The following ZNF77 variants were observed in gnomAD, a reference collection of about 807,000 sequenced individuals.
ZNF77 encodes the protein zinc finger protein 77, also known as ZNFpT1.
Under a neutral mutation model 13.5 loss-of-function variants are expected in ZNF77, and 15 were observed. The ratio of observed to expected loss-of-function variants is 1.11; its 90% CI spans 0.74 to 1.71. ZNF77 has a LOEUF of 1.71. ZNF77 is among the 40% of genes most tolerant of loss of function. The probability of loss-of-function intolerance (pLI) is 0.00; values close to 1 mark genes in which losing one functional copy is unlikely to be tolerated. For synonymous variants in ZNF77, 282 were observed against 250.0 expected (o/e 1.13, Z -1.21); for missense variants, 717 against 676.4 (o/e 1.06, Z -0.67).
rs2088359325 is a variant in ZNF77, at chr19:2,933,278, T to C, written c.*211A>G. Reference sequence around the variant, plus strand: ...TATATCACAAACATACACTAGAAATTAATACAAAAGGAATCACTATTAAGG... The same window carrying C: ...TATATCACAAACATACACTAGAAATCAATACAAAAGGAATCACTATTAAGG... On this transcript the variant is annotated 3_prime_UTR_variant, in exon 4 of 4. Transcript: ENST00000314531. 4.5e-6 allele frequency: 2 copies of C among 448,770 alleles called. No homozygotes were observed. The highest frequency in any genetic ancestry group is 7.7e-6 in the Non-Finnish European group (2 of 260,952). 27.8% of individuals were successfully genotyped at this position (448,770 alleles called of 1,614,324 possible).
rs575042272 is a variant in ZNF77, at chr19:2,944,124, C to T, written c.3+714G>A. Among the ~76,000 whole-genome samples the T allele has an allele frequency of 2.2e-3, 338 of 151,838 alleles. 1 individual carries two copies. Among genetic ancestry groups the T allele is most frequent in the African/African-American group, 7.7e-3 (319 of 41,392 alleles). ...TCCTGCCCTCTCCTCCCACTCTCCC[C>T]GATCCCCTGACTGCCTCTACTGTCC... On this transcript the variant is annotated intron_variant, in intron 1 of 3. Transcript: ENST00000314531.
intron 1 of ZNF77, among the ~76,000 whole-genome samples, chr19:2,944,483 C>G (rs8101596): frequency 0.042 from 6,395 of 151,398 alleles, 441 homozygotes; most frequent in African/African-American, 0.15. Flanking sequence ...TGCCGCCGAG[C>G]CCCTGACCGT....
chr19:2,944,476 C>T lies in ZNF77; in HGVS notation c.3+362G>A, dbSNP rs1228108374. Among the ~76,000 whole-genome samples the T allele has an allele frequency of 2.0e-5, 3 of 151,538 alleles. No individual in the cohort carries two copies. In the East Asian group the frequency reaches 5.8e-4, roughly 29 times the overall value. On this transcript the variant is annotated intron_variant, in intron 1 of 3. Transcript: ENST00000314531. Reference sequence around the variant, plus strand: ...CCCTTCCACTGAACCCCCAAACTGCCGCCGAGCCCCTGACCGTGTCTGTTC... The same window carrying T: ...CCCTTCCACTGAACCCCCAAACTGCTGCCGAGCCCCTGACCGTGTCTGTTC...
chr19:2,933,293 C>T lies in ZNF77; in HGVS notation c.*196G>A. On this transcript the variant is annotated 3_prime_UTR_variant, in exon 4 of 4. Transcript: ENST00000314531. ...CACTAGAAATTAATACAAAAGGAATCACTATTAAGGCTGAGGCATGTAAAG... is the reference window on the plus strand; with the variant it reads ...CACTAGAAATTAATACAAAAGGAATTACTATTAAGGCTGAGGCATGTAAAG... 2 of 472,098 alleles carry T rather than the reference C, an allele frequency of 4.2e-6. No homozygotes were observed. The highest frequency in any genetic ancestry group is 7.2e-6 in the Non-Finnish European group (2 of 279,004). 29.2% of individuals were successfully genotyped at this position (472,098 alleles called of 1,614,324 possible).
chr19:2,933,898 C>T lies in ZNF77; in HGVS notation c.1229G>A (p.Cys410Tyr), dbSNP rs747667082. ...ACTGTAGGCTTTCCCACACTCTTTACATTGATAGGGCTTCACCCCGCTGTG... is the reference window on the plus strand; with the variant it reads ...ACTGTAGGCTTTCCCACACTCTTTATATTGATAGGGCTTCACCCCGCTGTG... Reference protein sequence around the residue: ...KTHSGVKPYQCKECGKAYSFS... With the variant: ...KTHSGVKPYQYKECGKAYSFS... Residue 410 changes from cysteine to tyrosine, a missense_variant, in exon 4 of 4, where the codon TGT becomes TAT. Coordinates refer to ENST00000314531, the MANE Select transcript of ZNF77 (RefSeq NM_021217.3). 1.2e-6 allele frequency: 2 copies of T among 1,613,696 alleles called. No homozygotes were observed. The highest frequency in any genetic ancestry group is 1.7e-6 in the Non-Finnish European group (2 of 1,179,928).
chr19:2,933,437 A>G lies in ZNF77; in HGVS notation c.*52T>C. 6.7e-7 allele frequency: 1 copy of G among 1,494,980 alleles called. No individual in the cohort carries two copies. Among genetic ancestry groups the G allele is most frequent in the East Asian group, 2.3e-5 (1 of 43,522 alleles). 92.6% of individuals were successfully genotyped at this position (1,494,980 alleles called of 1,614,324 possible). A position where few individuals can be genotyped will look rare whatever the true frequency, so the allele number is the denominator to read the frequency against. ...TACATAAATAACGTTTCTCACATTT[A>G]CAACAAGGTTTTACGGTTGAACACT... is the stretch of plus-strand genomic sequence containing the variant. On this transcript the variant is annotated 3_prime_UTR_variant, in exon 4 of 4. Coordinates refer to ENST00000314531, the MANE Select transcript of ZNF77 (RefSeq NM_021217.3).
rs149449757 is a variant in ZNF77 at position 2,933,611 on chromosome 19, A to G, written c.1516T>C (p.Ser506Pro). 6 of 1,613,936 alleles carry G rather than the reference A, an allele frequency of 3.7e-6. No individual in the cohort carries two copies. The highest frequency in any genetic ancestry group is 5.1e-6 in the Non-Finnish European group (6 of 1,179,962). ...TGCGTTCTCACGTGCACACGAAGGG[A>G]CGAGGAACAACTGTAGGCTTTCCCA... is the stretch of plus-strand genomic sequence containing the variant. ...ECGKAYSCSS[S>P]LRVHVRTHTG... The change falls in exon 4 of 4, where the codon TCC (serine) becomes CCC (proline). Residue 506 changes from serine to proline, a missense_variant. By Grantham distance (74) the Ser-to-Pro change is moderately conservative. Coordinates refer to ENST00000314531, the MANE Select transcript of ZNF77 (RefSeq NM_021217.3).
chr19:2,933,406 A>C lies in ZNF77; in HGVS notation c.*83T>G. On this transcript the variant is annotated 3_prime_UTR_variant, in exon 4 of 4. Coordinates refer to ENST00000314531, the MANE Select transcript of ZNF77 (RefSeq NM_021217.3). ...TAAGTGCTATACCAGGTTTTCCTAC[A>C]TGCTCTACATAAATAACGTTTCTCA... 2 of 1,475,736 alleles carry C rather than the reference A, an allele frequency of 1.4e-6. No individual in the cohort carries two copies. The highest frequency in any genetic ancestry group is 1.8e-6 in the Non-Finnish European group (2 of 1,110,678). 91.4% of individuals were successfully genotyped at this position (1,475,736 alleles called of 1,614,324 possible).
intron 1 of ZNF77, among the ~76,000 whole-genome samples, chr19:2,943,987 G>A (rs1017070890): frequency 6.6e-6 from 1 of 151,910 alleles, no homozygotes; most frequent in Non-Finnish European, 1.5e-5. Flanking sequence ...TGGGATTACA[G>A]GCGTGAGCCA....
In ZNF77 at chr19:2,944,877, C is replaced by A; in HGVS notation, c.-37G>T. 1.3e-6 allele frequency: 2 copies of A among 1,523,012 alleles called. No homozygotes were observed. The highest frequency in any genetic ancestry group is 2.0e-4 in the Middle Eastern group (1 of 4,974). 94.3% of individuals were successfully genotyped at this position (1,523,012 alleles called of 1,614,324 possible). ...TCCTGGGCTCTCCAGGGTTAGCGCC[C>A]CGCGGTCCAGCGACCGGCGCAGGTG... On this transcript the variant is annotated 5_prime_UTR_variant, in exon 1 of 4. Transcript: ENST00000314531.
rs113577680 is a variant in ZNF77 at position 2,936,316 on chromosome 19, G to A, written c.311+208C>T. Among the ~76,000 whole-genome samples, 738 of 152,022 alleles carry A rather than the reference G, an allele frequency of 4.9e-3. 5 individuals carry two copies. The highest frequency in any genetic ancestry group is 0.017 in the African/African-American group (701 of 41,512). ...GCATGAGCCACCACGCCCAGCTAAT[G>A]TTTTGTATTTTTAGTAGAGATGGGG... On this transcript the variant is annotated intron_variant, in intron 3 of 3. Coordinates refer to ENST00000314531, the MANE Select transcript of ZNF77 (RefSeq NM_021217.3).
At chr19:2,935,495 T>TA (rs1199685322) in intron 3 of ZNF77, among the ~76,000 whole-genome samples, 3 of 35,298 alleles carry the variant, frequency 8.5e-5, no homozygotes, top group Non-Finnish European at 2.1e-4. Flanking sequence ...TTCTTTTTCG[T>TA]ATTTTTTTTT....
rs570058272 is a variant in ZNF77 at position 2,938,765 on chromosome 19, G to A, written c.130+516C>T. 4.4e-4 allele frequency among the ~76,000 whole-genome samples: 67 copies of A among 152,162 alleles called. 1 individual carries two copies. The highest frequency in any genetic ancestry group is 3.4e-3 in the Middle Eastern group (1 of 294). On this transcript the variant is annotated intron_variant, in intron 2 of 3. Coordinates refer to ENST00000314531, the MANE Select transcript of ZNF77 (RefSeq NM_021217.3). The stretch of plus-strand genomic sequence containing the variant: ...AGGTCAGGAGATCGAGACCATCCTG[G>A]CTAACACGGTGAAACCCCATCTCTA...
Position 2,944,863 on chromosome 19 carries a change from C to T in ZNF77, c.-23G>A, listed in dbSNP as rs2088482146. 2.6e-6 allele frequency: 4 copies of T among 1,525,330 alleles called. No homozygotes were observed. The South Asian group carries it at 3.6e-5, about 14-fold the overall frequency. 94.5% of individuals were successfully genotyped at this position (1,525,330 alleles called of 1,614,324 possible). A position where few individuals can be genotyped will look rare whatever the true frequency, so the allele number is the denominator to read the frequency against. ...CATGTCCCGCCCGCTCCTGGGCTCTCCAGGGTTAGCGCCCCGCGGTCCAGC... is the reference window on the plus strand; with the variant it reads ...CATGTCCCGCCCGCTCCTGGGCTCTTCAGGGTTAGCGCCCCGCGGTCCAGC... On this transcript the variant is annotated 5_prime_UTR_variant, in exon 1 of 4. Coordinates refer to ENST00000314531, the MANE Select transcript of ZNF77 (RefSeq NM_021217.3).
intron 1 of ZNF77, among the ~76,000 whole-genome samples, chr19:2,944,608 G>A (rs1219812564): frequency 6.6e-6 from 1 of 150,828 alleles, no homozygotes; most frequent in Non-Finnish European, 1.5e-5. Flanking sequence ...CTCCTGACCT[G>A]TACTGTCCCC....
At chr19:2,944,702 T>C in intron 1 of ZNF77, 136 bp downstream of exon 1, 3 of 1,283,270 alleles carry the variant, frequency 2.3e-6, no homozygotes, top group Non-Finnish European at 3.1e-6. Context: ...TGTGACCACG[T>C]CCCCGGGGCC....
intron 1 of ZNF77, 37 bp downstream of exon 1, chr19:2,944,801 G>A: frequency 6.6e-7 from 1 of 1,504,688 alleles, no homozygotes; most frequent in Non-Finnish European, 8.8e-7. Flanking sequence ...GCCCCACCTC[G>A]CCCTGGGCCC....
In ZNF77 at chr19:2,940,223, C is replaced by A. The variant is rs114144098; in HGVS notation, c.4-816G>T. On this transcript the variant is annotated intron_variant, in intron 1 of 3. Coordinates refer to ENST00000314531, the MANE Select transcript of ZNF77 (RefSeq NM_021217.3). ...ATGAAGAAAAGCAAGGAGATTATTT[C>A]CTTATAATTTAGGATATTGGCCAGG... is the stretch of plus-strand genomic sequence containing the variant. 7.8e-3 allele frequency among the ~76,000 whole-genome samples: 1,185 copies of A among 151,816 alleles called. 17 individuals carry two copies. The highest frequency in any genetic ancestry group is 0.026 in the African/African-American group (1,081 of 41,426).
intron 1 of ZNF77, among the ~76,000 whole-genome samples, chr19:2,939,955 G>A (rs2088435170): frequency 6.6e-6 from 1 of 152,080 alleles, no homozygotes; most frequent in African/African-American, 2.4e-5. Flanking sequence ...ACTCCTGTCT[G>A]GGCCACAGAG....
Sources: gnomAD v4.1 joint callset for allele counts (sites outside exome capture counted in the v4.1 genomes callset) on GRCh38, gnomAD v4.1.1 for gene constraint, MANE v1.5 for transcripts, NCBI Gene and HGNC (gene_info 2026-07-23, HGNC 2026-07-21) for gene names.